PDE3A: variants seen among roughly 807,000 people sequenced by gnomAD.
PDE3A encodes the protein cGMP-inhibited 3',5'-cyclic phosphodiesterase 3A.
In PDE3A, 43 loss-of-function variants were observed where a neutral mutation model predicts 98.3. That is an observed-to-expected ratio of 0.44 (90% CI 0.34 to 0.56). The LOEUF is 0.56. PDE3A is among the 20% of genes least tolerant of loss of function. The pLI is 0.01. For missense variants in PDE3A, 1,427 were observed against 1,440.7 expected (o/e 0.99, Z 0.15); for synonymous variants, 663 against 567.9 (o/e 1.17, Z -2.38).
At chr12:20,618,436 A>C (rs1944061034) in intron 4 of PDE3A, among the ~76,000 whole-genome samples, 1 of 151,578 alleles carries the variant, frequency 6.6e-6, no homozygotes, top group Non-Finnish European at 1.5e-5. Flanking sequence ...TAAGAATGAG[A>C]AATAATAAAA....
intron 2 of PDE3A, among the ~76,000 whole-genome samples, chr12:20,564,531 A>AG (rs974235020): frequency 2.6e-5 from 4 of 152,068 alleles, no homozygotes; most frequent in African/African-American, 9.7e-5. Flanking sequence ...TGGCTAGGTT[A>AG]GGGGGGAATG....
intron 2 of PDE3A, among the ~76,000 whole-genome samples, chr12:20,605,236 G>A (rs934158931): frequency 3.3e-5 from 5 of 152,092 alleles, no homozygotes; most frequent in Non-Finnish European, 7.4e-5. Context: ...AGGCAAATGC[G>A]TAACTTACCT....
intron 3 of PDE3A, 26 bp from the exon 4 acceptor site, chr12:20,616,204 G>C (rs564171144): frequency 6.2e-7 from 1 of 1,606,016 alleles, no homozygotes; most frequent in Middle Eastern, 1.7e-4. Flanking sequence ...AATATTCTGG[G>C]TAATGAAGTC....
chr12:20,612,489 A>G (rs1336642081), intron 2 of PDE3A, among the ~76,000 whole-genome samples: 2 of 150,842 alleles, frequency 1.3e-5, no homozygotes, highest in Non-Finnish European at 3.0e-5. Flanking sequence ...CTATGAATTC[A>G]TATTATTTTT....
At chr12:20,611,638 A>C (rs1805197284) in intron 2 of PDE3A, among the ~76,000 whole-genome samples, 1 of 151,942 alleles carries the variant, frequency 6.6e-6, no homozygotes, top group South Asian at 2.1e-4. Flanking sequence ...TTGTAATTCT[A>C]GCAGTAAAAG....
At chr12:20,590,487 A>AACTC (rs1943310741) in intron 2 of PDE3A, among the ~76,000 whole-genome samples, 1 of 150,684 alleles carries the variant, frequency 6.6e-6, no homozygotes, top group Non-Finnish European at 1.5e-5. Flanking sequence ...CAAGAAACAC[A>AACTC]ACTCAAGCTG....
At position 20,687,015 on chromosome 12, in the gene PDE3A, T is replaced by C. The variant is rs1462092767; in HGVS notation, c.*6744T>C. 6.6e-6 allele frequency among the ~76,000 whole-genome samples: 1 copy of C among 152,144 alleles called. No homozygotes were observed. The highest frequency in any genetic ancestry group is 2.4e-5 in the African/African-American group (1 of 41,456). The stretch of plus-strand genomic sequence containing the variant: ...CTTTATGACAAGGAGCACTTATACA[T>C]GTTTCCAAATGTGAATTAGCCCTTG... On this transcript the variant is annotated 3_prime_UTR_variant, in exon 16 of 16. Transcript: ENST00000359062.
intron 1 of PDE3A, among the ~76,000 whole-genome samples, chr12:20,446,040 A>C (rs1043820230): frequency 1.3e-5 from 2 of 152,304 alleles, no homozygotes; most frequent in African/African-American, 4.8e-5. Context: ...AGAGGGAAAA[A>C]TAGCCATTCT....
At chr12:20,512,347 A>C (rs1946242843) in intron 1 of PDE3A, among the ~76,000 whole-genome samples, 1 of 152,136 alleles carries the variant, frequency 6.6e-6, no homozygotes, top group Admixed American at 6.6e-5. Context: ...TTAAAAAACA[A>C]AAAATCCGCT....
At chr12:20,623,747 A>ATTCTAGAAAGAATTTATGATGGATG (rs1944191845) in intron 5 of PDE3A, among the ~76,000 whole-genome samples, 1 of 95,270 alleles carries the variant, frequency 1.0e-5, no homozygotes, top group Non-Finnish European at 2.2e-5. Context: ...TATGATGGAT[A>ATTCTAGAAAGAATTTATGATGGATG]TATTCTAGAA....
Position 20,680,134 on chromosome 12 carries a change from G to T in PDE3A, c.3289G>T (p.Ala1097Ser). The T allele has an allele frequency of 6.2e-7, 1 of 1,613,692 alleles. No individual in the cohort carries two copies. The highest frequency in any genetic ancestry group is 8.5e-7 in the Non-Finnish European group (1 of 1,179,782). ...AGTCATTGAAGAGGAGCAACGGTTGGCAGGCATAGAAAATCAATCCCTGGA... is the reference window on the plus strand; with the variant it reads ...AGTCATTGAAGAGGAGCAACGGTTGTCAGGCATAGAAAATCAATCCCTGGA... ...KKVIEEEQRL[A>S]GIENQSLDQT... Residue 1097 changes from alanine (A) to serine (S), a missense_variant, in exon 16 of 16, where the codon GCA becomes TCA. Physicochemically the swap from Ala to Ser is moderately conservative, Grantham distance 99. Coordinates refer to ENST00000359062, the MANE Select transcript of PDE3A (RefSeq NM_000921.5).
chr12:20,582,433 G>C (rs1225257602), intron 2 of PDE3A, among the ~76,000 whole-genome samples: 1 of 151,908 alleles, frequency 6.6e-6, no homozygotes, highest in Non-Finnish European at 1.5e-5. Context: ...ACCTCAAGTG[G>C]CCTGCCCGCC....
chr12:20,532,170 A>T (rs1452191398), intron 1 of PDE3A, among the ~76,000 whole-genome samples: 1 of 152,178 alleles, frequency 6.6e-6, no homozygotes, highest in Non-Finnish European at 1.5e-5. Context: ...CTTTATGAAA[A>T]GCTATATAAA....
chr12:20,580,395 G>A (rs1447137328), intron 2 of PDE3A, among the ~76,000 whole-genome samples: 1 of 152,068 alleles, frequency 6.6e-6, no homozygotes, highest in Non-Finnish European at 1.5e-5. Context: ...AAGTTGAAGA[G>A]GAGAAAAATC....
intron 1 of PDE3A, among the ~76,000 whole-genome samples, chr12:20,417,849 A>G (rs960729626): frequency 2.0e-5 from 3 of 152,232 alleles, no homozygotes; most frequent in African/African-American, 7.2e-5. Context: ...GTATTAAATG[A>G]GTTAATATAA....
intron 2 of PDE3A, among the ~76,000 whole-genome samples, chr12:20,576,926 A>G (rs1280125639): frequency 8.8e-6 from 1 of 113,556 alleles, no homozygotes; most frequent in African/African-American, 3.2e-5. Context: ...GGAAACATGA[A>G]GTTTTTTTTT....
chr12:20,508,595 A>G (rs1281948161), intron 1 of PDE3A, among the ~76,000 whole-genome samples: 1 of 152,014 alleles, frequency 6.6e-6, no homozygotes, highest in Non-Finnish European at 1.5e-5. Context: ...AAAGGAATCC[A>G]TTTAGACGTC....
intron 2 of PDE3A, chr12:20,572,058 GT>G: frequency 8.4e-7 from 1 of 1,193,690 alleles, no homozygotes; most frequent in Non-Finnish European, 1.1e-6. Flanking sequence ...ATGAAAGCAT[GT>G]TTTTAAAAAA....
chr12:20,383,797 A>G (rs1397712085), intron 1 of PDE3A, among the ~76,000 whole-genome samples: 1 of 151,968 alleles, frequency 6.6e-6, no homozygotes, highest in Non-Finnish European at 1.5e-5. Flanking sequence ...ATAGGCCATG[A>G]GGGGTCACTG....
Sources: gnomAD v4.1 joint callset for allele counts (sites outside exome capture counted in the v4.1 genomes callset) on GRCh38, gnomAD v4.1.1 for gene constraint, MANE v1.5 for transcripts, NCBI Gene and HGNC (gene_info 2026-07-23, HGNC 2026-07-21) for gene names.